The following LMO7 variants were observed in gnomAD, a reference collection of about 807,000 sequenced individuals.
The protein encoded by LMO7 is LIM domain 7.
A neutral mutation model predicts 206.5 loss-of-function variants in LMO7; 120 were observed. That is an observed-to-expected ratio of 0.58 (90% CI 0.50 to 0.68). The LOEUF (loss-of-function observed/expected upper bound fraction) is 0.68, where lower values mean the gene tolerates loss of function less well. Among genes scored for constraint, LMO7 ranks in the 30% least tolerant of loss-of-function variants. LMO7 has a pLI of 0.00. For missense variants in LMO7, 1,959 were observed against 1,957.9 expected, an observed-to-expected ratio of 1.00 and a Z score of -0.01; for synonymous variants, 706 against 681.5, an observed-to-expected ratio of 1.04 and a Z score of -0.56.
intron 2 of LMO7, among the ~76,000 whole-genome samples, chr13:75,714,791 T>C (rs764319677): frequency 2.6e-5 from 4 of 152,098 alleles, no homozygotes; most frequent in Non-Finnish European, 5.9e-5. Flanking sequence ...GATTTAAATG[T>C]ACTCTAGTAA....
Position 75,667,411 on chromosome 13 carries a change from A to C in LMO7, c.69+30685A>C, listed in dbSNP as rs9600522. On this transcript the variant is annotated intron_variant, in intron 1 of 30. Transcript: ENST00000377534. ...GTTATCCAGTAATGTTAGCTATTTT[A>C]ATGTTTTCCCGTAGGTCCCTAAGGT... Among the ~76,000 whole-genome samples the C allele has an allele frequency of 8.8e-3, 1,340 of 152,054 alleles. 26 individuals are homozygous for C. The highest frequency in any genetic ancestry group is 0.03 in the African/African-American group (1,238 of 41,448).
chr13:75,858,314 A>G lies in LMO7; in HGVS notation c.*371A>G. ...TTGTTTTTTAAAAAAAGGTTCTTAAACATTATTTGAAATAGTTAATATAAA... is the reference window on the plus strand; with the variant it reads ...TTGTTTTTTAAAAAAAGGTTCTTAAGCATTATTTGAAATAGTTAATATAAA... On this transcript the variant is annotated 3_prime_UTR_variant, in exon 31 of 31. Transcript: ENST00000377534. 1 of 187,276 alleles carries G rather than the reference A, an allele frequency of 5.3e-6. No homozygotes were observed. The highest frequency in any genetic ancestry group is 2.3e-5 in the African/African-American group (1 of 42,832). The allele number at this position is 187,276 out of a possible 1,614,324, so 11.6% of individuals were successfully genotyped here. A position where few individuals can be genotyped will look rare whatever the true frequency, so the allele number is the denominator to read the frequency against.
At chr13:75,814,539 A>G (rs1386379701) in intron 11 of LMO7, among the ~76,000 whole-genome samples, 1 of 152,192 alleles carries the variant, frequency 6.6e-6, no homozygotes, top group Non-Finnish European at 1.5e-5. Context: ...AGTGCTGAAT[A>G]TTATCTAGAT....
At chr13:75,776,168 T>TATATATATATATATATATCGG (rs2050405385) in intron 4 of LMO7, among the ~76,000 whole-genome samples, 3 of 38,402 alleles carry the variant, frequency 7.8e-5, no homozygotes, top group African/African-American at 2.5e-4. Flanking sequence ...ATCGGATATA[T>TATATATATATATATATATCGG]ATATATATAT....
intron 1 of LMO7, among the ~76,000 whole-genome samples, chr13:75,674,447 G>A (rs573113445): frequency 4.6e-5 from 7 of 152,306 alleles, no homozygotes; most frequent in East Asian, 3.9e-4. Flanking sequence ...CCTAGCGTTT[G>A]TGAGCTGTCA....
intron 3 of LMO7, among the ~76,000 whole-genome samples, chr13:75,759,900 T>A (rs1385452019): frequency 6.6e-6 from 1 of 152,134 alleles, no homozygotes; most frequent in Non-Finnish European, 1.5e-5. Context: ...TCAAGGAGGC[T>A]CACGCCATAG....
intron 4 of LMO7, among the ~76,000 whole-genome samples, chr13:75,773,786 A>C (rs913979874): frequency 1.1e-4 from 17 of 152,176 alleles, no homozygotes; most frequent in African/African-American, 3.4e-4. Context: ...AGAAATAAAC[A>C]CTGGCTTTGT....
At chr13:75,838,799 G>A (rs2059355799) in intron 20 of LMO7, among the ~76,000 whole-genome samples, 1 of 152,156 alleles carries the variant, frequency 6.6e-6, no homozygotes, top group African/African-American at 2.4e-5. Flanking sequence ...AGTTGGGCAG[G>A]GCTGCCTCAC....
At chr13:75,715,652 C>T (rs1311025779) in intron 2 of LMO7, among the ~76,000 whole-genome samples, 4 of 152,160 alleles carry the variant, frequency 2.6e-5, no homozygotes, top group Admixed American at 6.5e-5. Flanking sequence ...TTGTGAATCA[C>T]GTTGTTCATA....
intron 9 of LMO7, chr13:75,806,268 C>G (rs766261226): frequency 9.3e-5 from 92 of 989,212 alleles, no homozygotes; most frequent in Non-Finnish European, 1.1e-4. Context: ...CCAGGTGCCC[C>G]TGTCTGCATG....
At chr13:75,825,903 A>G (rs1249318374) in intron 15 of LMO7, among the ~76,000 whole-genome samples, 2 of 152,174 alleles carry the variant, frequency 1.3e-5, no homozygotes, top group Non-Finnish European at 2.9e-5. Flanking sequence ...ATGTTTCGGT[A>G]GCTTTGTGAA....
chr13:75,765,310 G>A (rs2048705200), intron 4 of LMO7, among the ~76,000 whole-genome samples: 1 of 135,332 alleles, frequency 7.4e-6, no homozygotes, highest in African/African-American at 2.7e-5. Context: ...TTTAAACCTA[G>A]TTTTACTTTT....
chr13:75,737,767 TAA>T (rs1396304180), intron 3 of LMO7, among the ~76,000 whole-genome samples: 1 of 11,758 alleles, frequency 8.5e-5, no homozygotes, highest in African/African-American at 4.6e-4. Flanking sequence ...AAAAAAAAAA[TAA>T]AATAAAATAA....
At chr13:75,766,718 C>G (rs2048943567) in intron 4 of LMO7, among the ~76,000 whole-genome samples, 1 of 152,070 alleles carries the variant, frequency 6.6e-6, no homozygotes, top group African/African-American at 2.4e-5. Flanking sequence ...TTTCAAAGGA[C>G]TTTTTATTTC....
exon 1 of LMO7, chr13:75,620,502 C>A (rs968743093): frequency 2.0e-5 from 3 of 152,168 alleles, no homozygotes; most frequent in African/African-American, 7.2e-5. Flanking sequence ...CATTAATGAG[C>A]ATATGAGATT....
intron 3 of LMO7, among the ~76,000 whole-genome samples, chr13:75,750,805 G>T (rs1461011537): frequency 6.6e-6 from 1 of 152,152 alleles, no homozygotes; most frequent in East Asian, 1.9e-4. Flanking sequence ...CTGTGGCCAC[G>T]CTTTGTGTAG....
chr13:75,704,006 A>G (rs1483803722), intron 1 of LMO7, among the ~76,000 whole-genome samples: 1 of 152,188 alleles, frequency 6.6e-6, no homozygotes, highest in Non-Finnish European at 1.5e-5. Context: ...ATCTTATGGA[A>G]TTTATTATAA....
At chr13:75,785,992 G>T (rs954925366) in intron 4 of LMO7, among the ~76,000 whole-genome samples, 2 of 152,136 alleles carry the variant, frequency 1.3e-5, no homozygotes, top group Non-Finnish European at 2.9e-5. Flanking sequence ...TCTACTCTTT[G>T]TCCTCCTTTG....
At chr13:75,784,342 G>A (rs1479043796) in intron 4 of LMO7, among the ~76,000 whole-genome samples, 2 of 152,164 alleles carry the variant, frequency 1.3e-5, no homozygotes, top group Non-Finnish European at 2.9e-5. Flanking sequence ...AGAGGCTTTT[G>A]TGGAGCAGGC....
Sources: allele counts gnomAD v4.1 joint callset (sites outside exome capture counted in the v4.1 genomes callset), GRCh38; gene constraint gnomAD v4.1.1; transcripts MANE v1.5; gene names NCBI Gene and HGNC (gene_info 2026-07-23, HGNC 2026-07-21).